The following GTF2IRD1 variants were observed in gnomAD, a reference collection of about 807,000 sequenced individuals.
GTF2IRD1 encodes the protein GTF2I repeat domain containing 1, also known as general transcription factor II-I repeat domain-containing protein 1.
Under a neutral mutation model 113.2 loss-of-function variants are expected in GTF2IRD1, and 26 were observed. The ratio of observed to expected loss-of-function variants is 0.23; its 90% CI spans 0.17 to 0.32. The LOEUF (loss-of-function observed/expected upper bound fraction) is 0.32, where lower values mean the gene tolerates loss of function less well. Ranked by LOEUF, GTF2IRD1 falls within the 10% of genes least tolerant of loss-of-function variation. The pLI, the probability that GTF2IRD1 is intolerant of heterozygous loss-of-function variation, is 1.00. For missense variants in GTF2IRD1, 864 were observed against 1,280.8 expected, an observed-to-expected ratio of 0.67 and a Z score of 4.97; for synonymous variants, 484 against 529.1, an observed-to-expected ratio of 0.91 and a Z score of 1.17.
intron 8 of GTF2IRD1, among the ~76,000 whole-genome samples, chr7:74,526,022 C>T (rs954319896): frequency 6.6e-6 from 1 of 152,178 alleles, no homozygotes; most frequent in Non-Finnish European, 1.5e-5. Flanking sequence ...GGCCCAGCCA[C>T]GCCTCCTCAC....
At chr7:74,542,733 G>A (rs1277329359) in intron 14 of GTF2IRD1, among the ~76,000 whole-genome samples, 1 of 152,264 alleles carries the variant, frequency 6.6e-6, no homozygotes, top group African/African-American at 2.4e-5. Context: ...TGACAGCATG[G>A]CGTGGCGCCT....
rs1799565862 is a variant in GTF2IRD1, at chr7:74,555,944, C to T, written c.2023+450C>T. 1.3e-5 allele frequency among the ~76,000 whole-genome samples: 2 copies of T among 152,034 alleles called. No individual in the cohort carries two copies. Among genetic ancestry groups the T allele is most frequent in the African/African-American group, 2.4e-5 (1 of 41,398 alleles). ...GACAACATAGAACCCGTCTCTATGTCTATTTTTAAGAAAAGAAATCAGAGG... is the reference window on the plus strand; with the variant it reads ...GACAACATAGAACCCGTCTCTATGTTTATTTTTAAGAAAAGAAATCAGAGG... On this transcript the variant is annotated intron_variant, in intron 19 of 26. Coordinates refer to ENST00000424337, the MANE Select transcript of GTF2IRD1 (RefSeq NM_005685.4). The surrounding 1 kb of genome is among the most constrained non-coding windows in gnomAD (Gnocchi z 5.3).
intron 1 of GTF2IRD1, among the ~76,000 whole-genome samples, chr7:74,478,972 C>T (rs1707805740): frequency 1.3e-5 from 2 of 151,958 alleles, no homozygotes; most frequent in Non-Finnish European, 2.9e-5. Flanking sequence ...TGGTCTCAAA[C>T]TCCTGGGATC....
chr7:74,454,685 G>A (rs1345919589), intron 1 of GTF2IRD1, among the ~76,000 whole-genome samples: 3 of 152,014 alleles, frequency 2.0e-5, no homozygotes, highest in Non-Finnish European at 2.9e-5. Flanking sequence ...CAGCAGGGTG[G>A]TTCCTGTAGT....
chr7:74,497,178 A>ATAAAG (rs1795781845), intron 1 of GTF2IRD1, among the ~76,000 whole-genome samples: 1 of 152,178 alleles, frequency 6.6e-6, no homozygotes, highest in African/African-American at 2.4e-5. Flanking sequence ...ATAAAATAAA[A>ATAAAG]TATAAAAACA....
chr7:74,553,462 AT>A (rs1269852140), intron 17 of GTF2IRD1, among the ~76,000 whole-genome samples: 1 of 151,644 alleles, frequency 6.6e-6, no homozygotes, highest in Non-Finnish European at 1.5e-5. Context: ...TAATTTTTAC[AT>A]TTTTTGTAGA....
intron 2 of GTF2IRD1, among the ~76,000 whole-genome samples, chr7:74,509,541 T>A (rs115910632): frequency 0.069 from 10,425 of 151,794 alleles, 1,106 homozygotes; most frequent in African/African-American, 0.23. Flanking sequence ...ATTAAAAAAA[T>A]TTTTTTAAAT....
At chr7:74,592,892 C>T (rs1802148858) in intron 24 of GTF2IRD1, among the ~76,000 whole-genome samples, 1 of 151,976 alleles carries the variant, frequency 6.6e-6, no homozygotes, top group Non-Finnish European at 1.5e-5. Context: ...AGGTCTTGCT[C>T]TGTCGCCCTG....
chr7:74,595,022 C>A lies in GTF2IRD1; in HGVS notation c.2600C>A (p.Ala867Glu), dbSNP rs782429723. 4 of 1,604,996 alleles carry A rather than the reference C, an allele frequency of 2.5e-6. No individual in the cohort carries two copies. The highest frequency in any genetic ancestry group is 1.7e-6 in the Non-Finnish European group (2 of 1,173,032). Residue 867 changes from alanine to glutamate, a missense_variant, in exon 25 of 27, where the codon GCA becomes GAA. By Grantham distance (107) the Ala-to-Glu change is moderately radical. Coordinates refer to ENST00000424337, the MANE Select transcript of GTF2IRD1 (RefSeq NM_005685.4). ...MVIINQLQPF[A>E]EICNDAKVPA... ...ATTTCTTTCTTTTTCAGACCCTTTG[C>A]AGAAATCTGCAATGATGCCAAGGTG...
At chr7:74,467,794 A>G (rs782161592) in intron 1 of GTF2IRD1, among the ~76,000 whole-genome samples, 11 of 152,146 alleles carry the variant, frequency 7.2e-5, no homozygotes, top group Non-Finnish European at 1.5e-4. Context: ...CCTGGTTTCA[A>G]GCGATTCTCC....
At chr7:74,476,365 C>CTTTTTTTTTTT in intron 1 of GTF2IRD1, among the ~76,000 whole-genome samples, 1 of 40,908 alleles carries the variant, frequency 2.4e-5, no homozygotes, top group Non-Finnish European at 4.9e-5. Context: ...TTCTGAACCT[C>CTTTTTTTTTTT]CTTTTTTTTT....
intron 17 of GTF2IRD1, among the ~76,000 whole-genome samples, chr7:74,554,165 A>G (rs1337214619): frequency 1.3e-5 from 2 of 151,886 alleles, no homozygotes; most frequent in Non-Finnish European, 2.9e-5. Flanking sequence ...TTACCTCTCC[A>G]GAGAGCTCAT....
At chr7:74,476,552 T>C (rs552469592) in intron 1 of GTF2IRD1, among the ~76,000 whole-genome samples, 105 of 152,064 alleles carry the variant, frequency 6.9e-4, no homozygotes, top group African/African-American at 2.4e-3. Context: ...TTAGTAGAGA[T>C]GGGGTTTCAC....
chr7:74,556,282 G>A (rs1284383837), intron 19 of GTF2IRD1, among the ~76,000 whole-genome samples: 6 of 151,468 alleles, frequency 4.0e-5, no homozygotes, highest in African/African-American at 1.5e-4. Flanking sequence ...GAGAGAGAGA[G>A]ATGGTGGTCT....
chr7:74,544,321 G>C (rs1393816940), intron 14 of GTF2IRD1, among the ~76,000 whole-genome samples: 1 of 152,158 alleles, frequency 6.6e-6, no homozygotes, highest in Non-Finnish European at 1.5e-5. Context: ...GAGTAGCTGG[G>C]ATTACAGGCA....
At chr7:74,459,809 A>T (rs1385747537) in intron 1 of GTF2IRD1, among the ~76,000 whole-genome samples, 5 of 152,030 alleles carry the variant, frequency 3.3e-5, no homozygotes, top group Admixed American at 3.3e-4. Flanking sequence ...TTATCTGCCA[A>T]CCCTACAACT....
In GTF2IRD1 at chr7:74,512,442, T is replaced by C. The variant is rs797038938; in HGVS notation, c.124-388T>C. ...CACAGCAGAAGTGGCCGAGGTGGGATTGCAGCCCCAGTCTGTCCAGTCCCC... is the reference window on the plus strand; with the variant it reads ...CACAGCAGAAGTGGCCGAGGTGGGACTGCAGCCCCAGTCTGTCCAGTCCCC... On this transcript the variant is annotated intron_variant, in intron 2 of 26. Transcript: ENST00000424337. The surrounding 1 kb of genome is among the most constrained non-coding windows in gnomAD (Gnocchi z 4.4). Among the ~76,000 whole-genome samples the C allele has an allele frequency of 2.6e-5, 4 of 152,246 alleles. No homozygotes were observed. The East Asian group carries it at 5.8e-4, about 22-fold the overall frequency.
chr7:74,535,499 C>G (rs1798240173), intron 10 of GTF2IRD1, among the ~76,000 whole-genome samples: 1 of 152,218 alleles, frequency 6.6e-6, no homozygotes, highest in African/African-American at 2.4e-5. Context: ...CCACTACTCT[C>G]ACGTGCAGAC....
chr7:74,599,664 A>T (rs1554373341), intron 25 of GTF2IRD1, among the ~76,000 whole-genome samples: 1 of 152,172 alleles, frequency 6.6e-6, no homozygotes, highest in East Asian at 1.9e-4. Context: ...TACATTAGTG[A>T]TAACCATAGC....
Sources: allele counts gnomAD v4.1 joint callset (sites outside exome capture counted in the v4.1 genomes callset), GRCh38; gene constraint gnomAD v4.1.1; non-coding constraint Gnocchi (gnomAD v3.1); transcripts MANE v1.5; gene names NCBI Gene and HGNC (gene_info 2026-07-23, HGNC 2026-07-21).